The following ROBO1 variants were observed in gnomAD, a reference collection of about 807,000 sequenced individuals.
The protein encoded by ROBO1 is roundabout guidance receptor 1.
Under a neutral mutation model 195.9 loss-of-function variants are expected in ROBO1, and 149 were observed. The ratio of observed to expected loss-of-function variants is 0.76; its 90% confidence interval spans 0.67 to 0.87. The LOEUF is 0.87. ROBO1 is among the 40% of genes least tolerant of loss of function. The pLI, the probability that ROBO1 is intolerant of heterozygous loss-of-function variation, is 0.00. For synonymous variants in ROBO1, 816 were observed against 733.2 expected (o/e 1.11, Z -1.82); for missense variants, 1,933 against 2,068.3 (o/e 0.93, Z 1.27).
At chr3:79,015,918 G>GA (rs2077920583) in intron 3 of ROBO1, among the ~76,000 whole-genome samples, 2 of 151,968 alleles carry the variant, frequency 1.3e-5, no homozygotes, top group Admixed American at 1.3e-4. Context: ...AAAGAAAAAA[G>GA]AAAAAAAGAA....
intron 4 of ROBO1, among the ~76,000 whole-genome samples, chr3:78,770,937 T>C (rs951254985): frequency 6.6e-6 from 1 of 151,960 alleles, no homozygotes; most frequent in African/African-American, 2.4e-5. Flanking sequence ...GAATGTTGCT[T>C]CCACCTGTGG....
chr3:79,619,198 G>T (rs1236436614), intron 1 of ROBO1, among the ~76,000 whole-genome samples: 2 of 152,010 alleles, frequency 1.3e-5, no homozygotes, highest in African/African-American at 4.8e-5. Context: ...TCCCTTAGTG[G>T]CAAGTCAATT....
At chr3:79,622,327 G>C (rs1945032995) in intron 1 of ROBO1, among the ~76,000 whole-genome samples, 1 of 152,180 alleles carries the variant, frequency 6.6e-6, no homozygotes, top group African/African-American at 2.4e-5. Flanking sequence ...TGAGGGAAGG[G>C]GCGACCAGCA....
At chr3:79,716,038 T>G (rs1345673395) in intron 1 of ROBO1, among the ~76,000 whole-genome samples, 1 of 152,064 alleles carries the variant, frequency 6.6e-6, no homozygotes, top group Non-Finnish European at 1.5e-5. Flanking sequence ...CTGAAGATGT[T>G]TTTAGCCAAA....
chr3:78,650,992 T>C (rs2107616669), intron 19 of ROBO1, among the ~76,000 whole-genome samples: 1 of 152,190 alleles, frequency 6.6e-6, no homozygotes, highest in Non-Finnish European at 1.5e-5. Context: ...CCTTTGAGAA[T>C]AAAAAACACA....
intron 4 of ROBO1, among the ~76,000 whole-genome samples, chr3:78,903,571 A>C (rs893593733): frequency 1.3e-5 from 2 of 151,948 alleles, no homozygotes; most frequent in Non-Finnish European, 2.9e-5. Flanking sequence ...ACACACACAC[A>C]CACACACACC....
At chr3:78,638,459 A>T (rs1429238692) in intron 22 of ROBO1, among the ~76,000 whole-genome samples, 4 of 151,730 alleles carry the variant, frequency 2.6e-5, no homozygotes, top group African/African-American at 9.7e-5. Context: ...GATTATTATT[A>T]TTTTTGCTAT....
At chr3:78,696,899 G>A (rs909091184) in intron 8 of ROBO1, among the ~76,000 whole-genome samples, 33 of 151,746 alleles carry the variant, frequency 2.2e-4, no homozygotes, top group Non-Finnish European at 4.1e-4. Flanking sequence ...CAATTAAAAA[G>A]TATGGCAATC....
chr3:79,258,439 T>A (rs190920242), intron 2 of ROBO1, among the ~76,000 whole-genome samples: 1 of 152,320 alleles, frequency 6.6e-6, no homozygotes, highest in East Asian at 1.9e-4. Flanking sequence ...TAAAACTTTA[T>A]TTTGTGTTCT....
At chr3:79,122,216 G>T (rs182899981) in intron 3 of ROBO1, among the ~76,000 whole-genome samples, 3 of 152,014 alleles carry the variant, frequency 2.0e-5, no homozygotes, top group Middle Eastern at 3.4e-3. Context: ...GCTATATGCC[G>T]CGAACTGTTA....
chr3:78,832,246 T>C (rs1237891993), intron 4 of ROBO1, among the ~76,000 whole-genome samples: 1 of 152,206 alleles, frequency 6.6e-6, no homozygotes, highest in Non-Finnish European at 1.5e-5. Flanking sequence ...ACACACATCT[T>C]AAATTGCTGG....
intron 1 of ROBO1, among the ~76,000 whole-genome samples, chr3:79,726,793 T>C (rs1702944957): frequency 6.6e-6 from 1 of 152,158 alleles, no homozygotes; most frequent in African/African-American, 2.4e-5. Context: ...GAAAATAGGG[T>C]ATATAAAGAG....
At chr3:79,431,834 G>T (rs576570964) in intron 2 of ROBO1, among the ~76,000 whole-genome samples, 52 of 152,056 alleles carry the variant, frequency 3.4e-4, no homozygotes, top group Non-Finnish European at 6.0e-4. Context: ...CTTTATAAAT[G>T]AGTCCAGCAA....
chr3:78,641,897 T>C (rs1455728380), intron 21 of ROBO1, among the ~76,000 whole-genome samples: 1 of 152,222 alleles, frequency 6.6e-6, no homozygotes, highest in Non-Finnish European at 1.5e-5. Context: ...ATTTACATCC[T>C]AGTTTTCTGT....
chr3:79,712,026 T>G (rs781781998), intron 1 of ROBO1, among the ~76,000 whole-genome samples: 7 of 152,016 alleles, frequency 4.6e-5, no homozygotes, highest in Non-Finnish European at 1.0e-4. Context: ...CAACTGGCCA[T>G]TCCCCTGTTT....
chr3:79,644,024 T>G (rs1945744681), intron 1 of ROBO1, among the ~76,000 whole-genome samples: 1 of 152,064 alleles, frequency 6.6e-6, no homozygotes, highest in Admixed American at 6.6e-5. Flanking sequence ...GAAAAAATAT[T>G]TGATGCAACT....
chr3:79,223,211 G>A (rs547726415), intron 2 of ROBO1, among the ~76,000 whole-genome samples: 16 of 152,256 alleles, frequency 1.1e-4, no homozygotes, highest in Non-Finnish European at 1.6e-4. Flanking sequence ...CAGGGGACAC[G>A]AAAGGAACAG....
At chr3:78,904,012 G>A (rs2107492458) in intron 4 of ROBO1, among the ~76,000 whole-genome samples, 1 of 152,100 alleles carries the variant, frequency 6.6e-6, no homozygotes, top group East Asian at 1.9e-4. Context: ...AAATAACAGA[G>A]TGGCTCTTTA....
intron 2 of ROBO1, among the ~76,000 whole-genome samples, chr3:79,548,740 T>A (rs368401969): frequency 6.6e-6 from 1 of 152,158 alleles, no homozygotes; most frequent in Admixed American, 6.5e-5. Context: ...CCACATCCAA[T>A]GTAGTTGCTC....
Sources: allele counts gnomAD v4.1 joint callset (sites outside exome capture counted in the v4.1 genomes callset), GRCh38; gene constraint gnomAD v4.1.1; transcripts MANE v1.5; gene names NCBI Gene and HGNC (gene_info 2026-07-23, HGNC 2026-07-21).